The following SI variants were observed in gnomAD, a reference collection of about 807,000 sequenced individuals.
The protein encoded by SI is sucrase-isomaltase, intestinal.
Under a neutral mutation model 253.3 loss-of-function variants are expected in SI, and 235 were observed. That is an observed-to-expected ratio of 0.93 (90% CI 0.83 to 1.03). The LOEUF (loss-of-function observed/expected upper bound fraction) is 1.03, where lower values mean the gene tolerates loss of function less well. Among genes scored for constraint, SI ranks in the 50% least tolerant of loss-of-function variants. The pLI is 0.00. For missense variants in SI, 2,442 were observed against 2,211.1 expected, an observed-to-expected ratio of 1.10 and a Z score of -2.09; for synonymous variants, 819 against 712.0, an observed-to-expected ratio of 1.15 and a Z score of -2.39.
At chr3:165,007,106 T>C in intron 36 of SI, 152 bp from the exon 37 acceptor site, 1 of 611,580 alleles carries the variant, frequency 1.6e-6, no homozygotes, top group Non-Finnish European at 2.8e-6. Context: ...TTGTATGAGT[T>C]AATTATCAAC....
rs199581970 is a variant in SI at position 164,996,523 on chromosome 3, G to A, written c.4692+12C>T. 7.9e-5 allele frequency: 103 copies of A among 1,298,318 alleles called. No homozygotes were observed. Among genetic ancestry groups the A allele is most frequent in the Non-Finnish European group, 1.1e-4 (96 of 893,012 alleles). The allele number at this position is 1,298,318 out of a possible 1,614,324, so 80.4% of individuals were successfully genotyped here. A position where few individuals can be genotyped will look rare whatever the true frequency, so the allele number is the denominator to read the frequency against. On this transcript the variant is annotated intron_variant, in intron 40 of 47. Transcript: ENST00000264382. The stretch of plus-strand genomic sequence containing the variant: ...TAAGAAAATACTGAAAGTAAATGTA[G>A]TAATTACATACTCTAGTATTTGCAA...
At chr3:165,076,678 A>G (rs1714997963) in intron 1 of SI, among the ~76,000 whole-genome samples, 1 of 151,730 alleles carries the variant, frequency 6.6e-6, no homozygotes, top group Admixed American at 6.6e-5. Context: ...GAGATATACA[A>G]AACTCTTATA....
chr3:164,985,165 G>T (rs6793006), intron 45 of SI, among the ~76,000 whole-genome samples: 7,330 of 152,206 alleles, frequency 0.048, 600 homozygotes, highest in African/African-American at 0.17. Context: ...ACCAAATGTT[G>T]TCATCGATGC....
intron 22 of SI, among the ~76,000 whole-genome samples, chr3:165,034,304 TAAC>T (rs1408660218): frequency 6.6e-6 from 1 of 152,004 alleles, no homozygotes; most frequent in Non-Finnish European, 1.5e-5. Flanking sequence ...TTCATATTCT[TAAC>T]TACTTACTTA....
At chr3:165,032,929 A>T (rs1712327727) in intron 23 of SI, among the ~76,000 whole-genome samples, 2 of 151,460 alleles carry the variant, frequency 1.3e-5, no homozygotes, top group African/African-American at 4.8e-5. Flanking sequence ...ACACATATAT[A>T]CTCATTCTAG....
Position 165,068,761 on chromosome 3 carries a change from G to T in SI, c.444C>A (p.Phe148Leu). Residue 148 changes from phenylalanine to leucine, a missense_variant, in exon 5 of 48, where the codon TTC (phenylalanine) becomes TTA (leucine). Coordinates refer to ENST00000264382, the MANE Select transcript of SI (RefSeq NM_001041.4). ...GATTGGGTGTCTGATTTTGAGTTGT[G>T]AAGAGAACACTGTTGATGTCATTTC... is the stretch of plus-strand genomic sequence containing the variant. Reference protein sequence around the residue: ...LFGNDINSVLFTTQNQTPNRF... With the variant: ...LFGNDINSVLLTTQNQTPNRF... 6.2e-7 allele frequency: 1 copy of T among 1,613,866 alleles called. No homozygotes were observed. The highest frequency in any genetic ancestry group is 2.2e-5 in the East Asian group (1 of 44,850).
intron 15 of SI, among the ~76,000 whole-genome samples, chr3:165,048,639 A>G (rs1480672079): frequency 6.7e-6 from 1 of 149,768 alleles, no homozygotes; most frequent in South Asian, 2.1e-4. Context: ...GTTTTTGGAG[A>G]CTGAGTCTAG....
At chr3:165,076,628 T>C (rs1274621627) in intron 1 of SI, among the ~76,000 whole-genome samples, 1 of 151,688 alleles carries the variant, frequency 6.6e-6, no homozygotes, top group Non-Finnish European at 1.5e-5. Context: ...TAAAAATCTT[T>C]TGAATTTTCA....
At chr3:165,043,924 C>G (rs1036595418) in intron 16 of SI, among the ~76,000 whole-genome samples, 1 of 151,872 alleles carries the variant, frequency 6.6e-6, no homozygotes, top group Non-Finnish European at 1.5e-5. Flanking sequence ...AAAAATTCTT[C>G]CGTGAAATTT....
chr3:165,063,564 T>C lies in SI; in HGVS notation c.808-23A>G, dbSNP rs929489085. 4.8e-6 allele frequency: 5 copies of C among 1,052,028 alleles called. No homozygotes were observed. In the East Asian group the frequency reaches 1.2e-4, roughly 25 times the overall value. The allele number at this position is 1,052,028 out of a possible 1,614,324, so 65.2% of individuals were successfully genotyped here. On this transcript the variant is annotated intron_variant, in intron 7 of 47. Coordinates refer to ENST00000264382, the MANE Select transcript of SI (RefSeq NM_001041.4). ...ATTCTATAAGGCAAGAATTTGAAAA[T>C]ACGATTTTCAAATATGTTTAAAACA... is the stretch of plus-strand genomic sequence containing the variant.
In SI at chr3:165,021,227, A is replaced by G. The variant is rs1223791903; in HGVS notation, c.3254+2T>C. On this transcript the variant is annotated splice_donor_variant, in intron 27 of 47. Transcript: ENST00000264382. LOFTEE classifies it high-confidence loss of function. ...TTTATATCAAATAATTCAATTACTT[A>G]CATGACTCTTCCACTGCTTCTCCGT... The G allele has an allele frequency of 1.2e-6, 2 of 1,609,050 alleles. No homozygotes were observed. The highest frequency in any genetic ancestry group is 1.7e-6 in the Non-Finnish European group (2 of 1,176,298).
chr3:164,994,266 A>T lies in SI; in HGVS notation c.4832T>A (p.Leu1611His). The T allele has an allele frequency of 6.2e-7, 1 of 1,610,342 alleles. No individual in the cohort carries two copies. The highest frequency in any genetic ancestry group is 8.5e-7 in the Non-Finnish European group (1 of 1,177,452). ...HANGGTVIRP[L>H]LHEFFDEKPT... Reference sequence around the variant, plus strand: ...CAAACTTTGTACTTACTCATGCAAAAGGGGTCGGATAACAGTGCCACCATT... The same window carrying T: ...CAAACTTTGTACTTACTCATGCAAATGGGGTCGGATAACAGTGCCACCATT... Residue 1611 changes from leucine (L) to histidine (H), a missense_variant, in exon 41 of 48, where the codon CTT becomes CAT. Transcript: ENST00000264382.
In SI at chr3:165,046,886, C is replaced by A. The variant is rs1337199717; in HGVS notation, c.1842G>T (p.Trp614Cys). 2 of 1,613,266 alleles carry A rather than the reference C, an allele frequency of 1.2e-6. No individual in the cohort carries two copies. The highest frequency in any genetic ancestry group is 8.5e-7 in the Non-Finnish European group (1 of 1,179,540). ...TGAACTCCAGCATTCCAGTTATAGA[C>A]CATTCCATTTGTTCCCATGAAGCAG... is the stretch of plus-strand genomic sequence containing the variant. ...DNTASWEQME[W>C]SITGMLEFSL... Residue 614 changes from tryptophan (W) to cysteine (C), a missense_variant, in exon 16 of 48, where the codon TGG becomes TGT. Coordinates refer to ENST00000264382, the MANE Select transcript of SI (RefSeq NM_001041.4).
intron 43 of SI, 57 bp downstream of exon 43, chr3:164,992,120 G>T (rs147717967): frequency 4.3e-6 from 6 of 1,391,026 alleles, no homozygotes; most frequent in Non-Finnish European, 6.1e-6. Flanking sequence ...AAAGGCTAGG[G>T]CCAAACAATT....
rs779155501 is a variant in SI, at chr3:165,017,578, A to T, written c.3729T>A (p.Tyr1243Ter). Residue 1243 changes from tyrosine to a stop codon, truncating the protein, a stop_gained, in exon 31 of 48, where the codon TAT becomes TAA. Transcript: ENST00000264382. LOFTEE classifies it high-confidence loss of function. ...GGATGTTAGCAGCCACCATAGCGTC[A>T]TATAATTCCCGAACCTCTGAAGTAT... ...YANTSEVREL[Y>*]DAMVAANIPY... The T allele has an allele frequency of 2.5e-6, 4 of 1,612,538 alleles. No individual in the cohort carries two copies.
chr3:165,068,339 T>C (rs1450151558), intron 5 of SI, among the ~76,000 whole-genome samples: 1 of 152,226 alleles, frequency 6.6e-6, no homozygotes, highest in Admixed American at 6.5e-5. Context: ...TATATTTGCA[T>C]AAACAATTTG....
chr3:165,087,434 T>C, the SI span, among the ~76,000 whole-genome samples: 5 of 152,148 alleles, frequency 3.3e-5, no homozygotes, highest in Admixed American at 6.6e-5. Flanking sequence ...GGAAAATATA[T>C]GACCTAAAGC....
In SI at chr3:165,037,909, G is replaced by A. The variant is rs746119798; in HGVS notation, c.2417C>T (p.Thr806Ile). ...IIPIQEPDVT[T>I]TASRKNPLGL... is the part of the protein sequence containing the mutation. ...TGATTTTTCATTTTACCTTGCTGTT[G>A]TTGTTACATCTGGTTCTTGAATGGG... is the stretch of plus-strand genomic sequence containing the variant. Residue 806 changes from threonine to isoleucine, a missense_variant, in exon 21 of 48, where the codon ACA (threonine) becomes ATA (isoleucine). Transcript: ENST00000264382. The A allele has an allele frequency of 1.9e-6, 3 of 1,601,628 alleles. No individual in the cohort carries two copies. Among genetic ancestry groups the A allele is most frequent in the Non-Finnish European group, 2.6e-6 (3 of 1,170,384 alleles).
At chr3:165,065,881 C>T (rs1714223411) in intron 6 of SI, among the ~76,000 whole-genome samples, 1 of 151,616 alleles carries the variant, frequency 6.6e-6, no homozygotes, top group South Asian at 2.1e-4. Context: ...AGCATTTTTC[C>T]CCCAAAAAGT....
Sources: gnomAD v4.1 joint callset for allele counts (sites outside exome capture counted in the v4.1 genomes callset) on GRCh38, gnomAD v4.1.1 for gene constraint, MANE v1.5 for transcripts, NCBI Gene and HGNC (gene_info 2026-07-23, HGNC 2026-07-21) for gene names.